CDH13: variants seen among roughly 807,000 people sequenced by gnomAD.
CDH13 encodes cadherin 13, also known as cadherin-13.
Under a neutral mutation model 63.8 loss-of-function variants are expected in CDH13, and 24 were observed. That is an observed-to-expected ratio of 0.38 (90% CI 0.27 to 0.53). The LOEUF (loss-of-function observed/expected upper bound fraction) is 0.53. CDH13 is among the 20% of genes least tolerant of loss of function. The pLI is 0.85. For synonymous variants in CDH13, 503 were observed against 355.3 expected (o/e 1.42, Z -4.67); for missense variants, 1,049 against 903.1 (o/e 1.16, Z -2.07).
At chr16:82,779,280 C>T (rs966286996) in intron 1 of CDH13, among the ~76,000 whole-genome samples, 2 of 152,158 alleles carry the variant, frequency 1.3e-5, no homozygotes, top group Admixed American at 1.3e-4. Flanking sequence ...CAAGATCACA[C>T]AGATAGTAGG....
chr16:82,954,847 A>G (rs1446105545), intron 2 of CDH13: 1 of 151,688 alleles, frequency 6.6e-6, no homozygotes, highest in East Asian at 1.9e-4. Context: ...TCTCTGTTTC[A>G]TTCCCTTTTA....
intron 2 of CDH13, among the ~76,000 whole-genome samples, chr16:82,905,432 CGTGTGTGTGTGTGT>C (rs140795057): frequency 5.6e-5 from 8 of 143,530 alleles, no homozygotes; most frequent in East Asian, 4.0e-4. Context: ...ATGAATCACA[CGTGTGTGTGTGTGT>C]GTGTGTGTGT....
At chr16:82,850,358 C>G (rs969109140) in intron 1 of CDH13, among the ~76,000 whole-genome samples, 3 of 152,178 alleles carry the variant, frequency 2.0e-5, no homozygotes, top group Non-Finnish European at 4.4e-5. Flanking sequence ...AGCAAGAGAA[C>G]TAGAATTAGA....
At chr16:82,765,929 C>T (rs1391591796) in intron 1 of CDH13, among the ~76,000 whole-genome samples, 1 of 152,186 alleles carries the variant, frequency 6.6e-6, no homozygotes, top group Non-Finnish European at 1.5e-5. Flanking sequence ...TAAATCACTT[C>T]TCATAAAATC....
intron 4 of CDH13, among the ~76,000 whole-genome samples, chr16:83,187,058 C>T (rs916600724): frequency 6.6e-6 from 1 of 152,078 alleles, no homozygotes; most frequent in Admixed American, 6.6e-5. Context: ...GCAACCTGCA[C>T]CTCCCGAGTT....
At chr16:83,069,180 G>T (rs149514042) in intron 3 of CDH13, among the ~76,000 whole-genome samples, 1 of 152,070 alleles carries the variant, frequency 6.6e-6, no homozygotes, top group East Asian at 1.9e-4. Context: ...TTGTCAATGC[G>T]CATTTTCCAA....
chr16:83,779,437 A>AAAAAAAAAAAAAT (rs1915360721), intron 11 of CDH13, among the ~76,000 whole-genome samples: 1 of 147,082 alleles, frequency 6.8e-6, no homozygotes, highest in Non-Finnish European at 1.5e-5. Flanking sequence ...AAAAAAAAAA[A>AAAAAAAAAAAAAT]AGTCTTATAT....
Position 83,783,288 on chromosome 16 carries a change from G to C in CDH13, c.1950G>C (p.Leu650=). The change falls in exon 13 of 14, where the codon CTG becomes CTC. Residue 650 remains leucine, a synonymous_variant. Coordinates refer to ENST00000567109, the MANE Select transcript of CDH13 (RefSeq NM_001257.5). ...THALVSLLQN[L]NKANYNLPIM... is the part of the protein sequence containing the mutation. Reference sequence around the variant, plus strand: ...CCCTGGTAAGCCTTCTTCAAAATCTGAACAAAGCAAACTACAACCTGCCCA... The same window carrying C: ...CCCTGGTAAGCCTTCTTCAAAATCTCAACAAAGCAAACTACAACCTGCCCA... 1 of 1,613,854 alleles carries C rather than the reference G, an allele frequency of 6.2e-7. No individual in the cohort carries two copies. The highest frequency in any genetic ancestry group is 2.2e-5 in the East Asian group (1 of 44,874).
intron 6 of CDH13, among the ~76,000 whole-genome samples, chr16:83,392,134 G>A (rs1225311276): frequency 6.6e-6 from 1 of 152,068 alleles, no homozygotes; most frequent in Non-Finnish European, 1.5e-5. Flanking sequence ...CTGATCTTCT[G>A]TTAACCCTGC....
At chr16:83,686,314 T>C (rs1399348712) in intron 10 of CDH13, among the ~76,000 whole-genome samples, 1 of 152,350 alleles carries the variant, frequency 6.6e-6, no homozygotes, top group South Asian at 2.1e-4. Context: ...CAATCATCTT[T>C]ATCTCCTTCC....
At chr16:82,639,299 A>G (rs892076384) in intron 1 of CDH13, 41 of 1,225,290 alleles carry the variant, frequency 3.3e-5, no homozygotes, top group African/African-American at 1.5e-5. Flanking sequence ...TGCAACCTTC[A>G]GAACAGGGTC....
chr16:83,170,477 G>T (rs1047824645), intron 4 of CDH13, among the ~76,000 whole-genome samples: 3 of 152,110 alleles, frequency 2.0e-5, no homozygotes, highest in African/African-American at 7.2e-5. Context: ...TGTTTCATGA[G>T]GCAAAGCGTG....
intron 3 of CDH13, among the ~76,000 whole-genome samples, chr16:83,087,671 CAAAAAAAAAAAAA>C (rs67228844): frequency 0.016 from 691 of 44,030 alleles, 13 homozygotes; most frequent in African/African-American, 0.058. Flanking sequence ...CCCTCCGTCT[CAAAAAAAAAAAAA>C]AAAAAAAAAA....
At chr16:83,705,375 C>A (rs565935595) in intron 10 of CDH13, among the ~76,000 whole-genome samples, 2 of 152,324 alleles carry the variant, frequency 1.3e-5, no homozygotes, top group African/African-American at 4.8e-5. Context: ...GTAATCCTAG[C>A]ACTTTGGGAG....
intron 2 of CDH13, among the ~76,000 whole-genome samples, chr16:82,923,279 G>T (rs2042211211): frequency 6.6e-6 from 1 of 152,208 alleles, no homozygotes; most frequent in African/African-American, 2.4e-5. Context: ...GTGGGAATTT[G>T]ATGAACATTT....
At chr16:82,912,449 C>G (rs190644728) in intron 2 of CDH13, among the ~76,000 whole-genome samples, 3 of 152,318 alleles carry the variant, frequency 2.0e-5, no homozygotes, top group African/African-American at 7.2e-5. Context: ...GCCGGCCCTT[C>G]CCCCAGATGA....
At position 83,181,019 on chromosome 16, in the gene CDH13, C is replaced by T. The variant is rs192314512; in HGVS notation, c.484-36326C>T. ...GGAATAAATCACAAACATTTTACTT[C>T]CCACTAGCACTCGGTATTTCAAATC... On this transcript the variant is annotated intron_variant, in intron 4 of 13. Transcript: ENST00000567109. The T allele has an allele frequency of 2.0e-5, 31 of 1,516,030 alleles. No individual in the cohort carries two copies. In the African/African-American group the frequency reaches 3.7e-4, roughly 18 times the overall value. 93.9% of individuals were successfully genotyped at this position (1,516,030 alleles called of 1,614,324 possible).
At chr16:83,502,131 C>G (rs1357492701) in intron 7 of CDH13, among the ~76,000 whole-genome samples, 1 of 152,144 alleles carries the variant, frequency 6.6e-6, no homozygotes, top group Non-Finnish European at 1.5e-5. Flanking sequence ...AAGTCCTCAT[C>G]CTAATTCCCA....
rs2031994701 is a variant in CDH13, at chr16:83,066,196, G to T, written c.366+33978G>T. On this transcript the variant is annotated intron_variant, in intron 3 of 13. Coordinates refer to ENST00000567109, the MANE Select transcript of CDH13 (RefSeq NM_001257.5). ...TGTAAAGCACTTTGGCTTTTTCTCA[G>T]CTACATGGTGATGATGAGTTCTTCT... is the stretch of plus-strand genomic sequence containing the variant. 7.2e-5 allele frequency among the ~76,000 whole-genome samples: 11 copies of T among 152,318 alleles called. No homozygotes were observed. In the South Asian group the frequency reaches 1.9e-3, roughly 26 times the overall value.
Sources: gnomAD v4.1 joint callset for allele counts (sites outside exome capture counted in the v4.1 genomes callset) on GRCh38, gnomAD v4.1.1 for gene constraint, MANE v1.5 for transcripts, NCBI Gene and HGNC (gene_info 2026-07-23, HGNC 2026-07-21) for gene names.